The following GREB1 variants were observed in gnomAD, a reference collection of about 807,000 sequenced individuals.
GREB1 encodes the protein growth regulating estrogen receptor binding 1.
In GREB1, 106 loss-of-function variants were observed where a neutral mutation model predicts 200.7. That is an observed-to-expected ratio of 0.53 (90% CI 0.45 to 0.62). GREB1 has a LOEUF of 0.62. Among genes scored for constraint, GREB1 ranks in the 20% least tolerant of loss-of-function variants. The pLI is 0.00. For missense variants in GREB1, 2,243 were observed against 2,556.8 expected, an observed-to-expected ratio of 0.88 and a Z score of 2.65; for synonymous variants, 1,132 against 1,092.4, an observed-to-expected ratio of 1.04 and a Z score of -0.72.
At chr2:11,595,837 G>A (rs1681158404) in intron 12 of GREB1, among the ~76,000 whole-genome samples, 5 of 151,996 alleles carry the variant, frequency 3.3e-5, no homozygotes, top group South Asian at 2.1e-4. Flanking sequence ...CAGACCCTTC[G>A]TTTTCCAGAT....
At chr2:11,586,505 G>T (rs1274170405) in intron 9 of GREB1, among the ~76,000 whole-genome samples, 1 of 152,206 alleles carries the variant, frequency 6.6e-6, no homozygotes, top group Admixed American at 6.5e-5. Context: ...TGGGGATGTT[G>T]CAATGGGAAA....
chr2:11,486,487 C>G (rs1672658605), intron 1 of GREB1, among the ~76,000 whole-genome samples: 1 of 151,678 alleles, frequency 6.6e-6, no homozygotes, highest in East Asian at 1.9e-4. Flanking sequence ...ACTAAAAAGG[C>G]AGGGGAAGGC....
At chr2:11,599,771 C>G (rs937792151) in intron 15 of GREB1, among the ~76,000 whole-genome samples, 1 of 152,172 alleles carries the variant, frequency 6.6e-6, no homozygotes, top group East Asian at 1.9e-4. Flanking sequence ...CCGCCCGCCT[C>G]GGCCTCCCAA....
intron 1 of GREB1, among the ~76,000 whole-genome samples, chr2:11,543,043 G>C (rs1674916533): frequency 6.6e-6 from 1 of 152,116 alleles, no homozygotes; most frequent in Admixed American, 6.5e-5. Flanking sequence ...CTCGTCTACT[G>C]TCTCTTTTTA....
At position 11,640,378 on chromosome 2, in the gene GREB1, G is replaced by T. The variant is rs373459796; in HGVS notation, c.5774G>T (p.Arg1925Leu). The change falls in exon 33 of 33, where the codon CGG becomes CTG. Residue 1925 changes from arginine to leucine, a missense_variant. Transcript: ENST00000381486. This position sits in a 1 kb window ranked among gnomAD's most constrained non-coding sequence, Gnocchi z 4.6. ...GAGCTCGAGGACGAGTGGCAGTTCCGGCTGCGCGATGAGTTCCAGACCGCC... is the reference window on the plus strand; with the variant it reads ...GAGCTCGAGGACGAGTGGCAGTTCCTGCTGCGCGATGAGTTCCAGACCGCC... ...RLELEDEWQFRLRDEFQTANA... is the reference protein window; with the variant it reads ...RLELEDEWQFLLRDEFQTANA... The T allele has an allele frequency of 1.2e-6, 2 of 1,614,202 alleles. No individual in the cohort carries two copies. Among genetic ancestry groups the T allele is most frequent in the Non-Finnish European group, 1.7e-6 (2 of 1,180,046 alleles).
At chr2:11,513,250 G>A (rs1214962589) in intron 1 of GREB1, among the ~76,000 whole-genome samples, 2 of 152,104 alleles carry the variant, frequency 1.3e-5, no homozygotes, top group African/African-American at 2.4e-5. Context: ...TTAGGGACTC[G>A]CAGCTCATAT....
chr2:11,549,836 T>G (rs950067674), intron 1 of GREB1, among the ~76,000 whole-genome samples: 10 of 152,254 alleles, frequency 6.6e-5, no homozygotes, highest in African/African-American at 2.4e-4. Context: ...TTTCTTTTAG[T>G]GTCTACCTTT....
chr2:11,516,931 CG>C (rs1211746476), intron 1 of GREB1, among the ~76,000 whole-genome samples: 1 of 152,132 alleles, frequency 6.6e-6, no homozygotes, highest in East Asian at 1.9e-4. Flanking sequence ...GGCTGTGAGG[CG>C]GGGAGCATTG....
At chr2:11,497,038 C>T (rs1450488964) in intron 1 of GREB1, among the ~76,000 whole-genome samples, 1 of 152,100 alleles carries the variant, frequency 6.6e-6, no homozygotes, top group Non-Finnish European at 1.5e-5. Context: ...CTCAAGTGAT[C>T]CTCCTGCCTT....
Position 11,556,606 on chromosome 2 carries a change from C to T in GREB1, c.-9C>T, listed in dbSNP as rs770216050. 1.9e-6 allele frequency: 3 copies of T among 1,605,214 alleles called. No homozygotes were observed. The highest frequency in any genetic ancestry group is 2.6e-6 in the Non-Finnish European group (3 of 1,174,446). On this transcript the variant is annotated 5_prime_UTR_variant, in exon 2 of 33. Coordinates refer to ENST00000381486, the MANE Select transcript of GREB1 (RefSeq NM_014668.4). ...GCCATTTTAAACAGAAGACTCCATC[C>T]TCTTGAAGATGGGAAATTCTTACGC...
Position 11,562,450 on chromosome 2 carries a change from T to C in GREB1, c.158-13T>C. 1 of 1,611,180 alleles carries C rather than the reference T, an allele frequency of 6.2e-7. No individual in the cohort carries two copies. The highest frequency in any genetic ancestry group is 8.5e-7 in the Non-Finnish European group (1 of 1,178,688). The stretch of plus-strand genomic sequence containing the variant: ...GCAGCTGCCTTGCTCATCACTCTTC[T>C]TCCCGCATCTAGGTGGTAGCCGAGT... On this transcript the variant is annotated splice_polypyrimidine_tract_variant and intron_variant, in intron 2 of 32. Transcript: ENST00000381486.
chr2:11,499,566 C>G (rs1442056577), intron 1 of GREB1, among the ~76,000 whole-genome samples: 1 of 152,236 alleles, frequency 6.6e-6, no homozygotes, highest in Non-Finnish European at 1.5e-5. Context: ...ACATCAGTCT[C>G]TTTTGTTCTG....
chr2:11,553,911 T>C (rs73191479), intron 1 of GREB1, among the ~76,000 whole-genome samples: 17,452 of 152,084 alleles, frequency 0.11, 1,078 homozygotes, highest in South Asian at 0.24. Flanking sequence ...AGGGGCTCCA[T>C]GTAAAACGAG....
intron 30 of GREB1, among the ~76,000 whole-genome samples, chr2:11,636,981 C>G (rs1263632023): frequency 8.3e-6 from 1 of 120,298 alleles, no homozygotes; most frequent in African/African-American, 3.0e-5. Flanking sequence ...GAGGCAGGGG[C>G]ATGGGCAGAG....
Position 11,505,136 on chromosome 2 carries a change from T to G in GREB1, c.-159+22755T>G, listed in dbSNP as rs145827486. Reference sequence around the variant, plus strand: ...TAGTAGAGACGGGGTTTCACCATGTTGGCCAGGCTGGTCTTGAACTCCTAA... The same window carrying G: ...TAGTAGAGACGGGGTTTCACCATGTGGGCCAGGCTGGTCTTGAACTCCTAA... On this transcript the variant is annotated intron_variant, in intron 1 of 2. Coordinates refer to the GREB1 transcript ENST00000628795. Among the ~76,000 whole-genome samples, 1,298 of 152,228 alleles carry G rather than the reference T, an allele frequency of 8.5e-3. 28 individuals are homozygous for G. Among genetic ancestry groups the G allele is most frequent in the African/African-American group, 0.03 (1,250 of 41,542 alleles).
Position 11,548,189 on chromosome 2 carries a change from AC to A in GREB1, c.-161-8262del, listed in dbSNP as rs1675469571. 6.6e-6 allele frequency among the ~76,000 whole-genome samples: 1 copy of A among 151,432 alleles called. No individual in the cohort carries two copies. On this transcript the variant is annotated intron_variant, in intron 1 of 32. Transcript: ENST00000381486. The surrounding 1 kb of genome is among the most constrained non-coding windows in gnomAD (Gnocchi z 5.1). ...AGACCCTGTCTCCAAAAAAAAAAAAACCCACCACACATTCTCACATGCACAC... is the reference window on the plus strand; with the variant it reads ...AGACCCTGTCTCCAAAAAAAAAAAAACCACCACACATTCTCACATGCACAC...
intron 3 of GREB1, among the ~76,000 whole-genome samples, chr2:11,565,406 T>C (rs1677524119): frequency 6.6e-6 from 1 of 152,152 alleles, no homozygotes; most frequent in African/African-American, 2.4e-5. Flanking sequence ...GGGGAAGCAC[T>C]GCACTCAGGA....
chr2:11,496,783 C>A (rs560158168), intron 1 of GREB1, among the ~76,000 whole-genome samples: 1 of 152,296 alleles, frequency 6.6e-6, no homozygotes, highest in African/African-American at 2.4e-5. Context: ...CTATCATACA[C>A]TATGGCAACA....
rs576271004 is a variant in GREB1, at chr2:11,562,152, G to T, written c.158-311G>T. ...ATGGAAGAGAAATGAACCTGAATTT[G>T]GAGTCATGAGGCCCAGGTCTGTGTG... On this transcript the variant is annotated intron_variant, in intron 2 of 32. Coordinates refer to ENST00000381486, the MANE Select transcript of GREB1 (RefSeq NM_014668.4). 1.5e-4 allele frequency among the ~76,000 whole-genome samples: 23 copies of T among 152,336 alleles called. 1 individual carries two copies. In the East Asian group the frequency reaches 4.2e-3, roughly 28 times the overall value.
Sources: allele counts gnomAD v4.1 joint callset (sites outside exome capture counted in the v4.1 genomes callset), GRCh38; gene constraint gnomAD v4.1.1; non-coding constraint Gnocchi (gnomAD v3.1); transcripts MANE v1.5; gene names NCBI Gene and HGNC (gene_info 2026-07-23, HGNC 2026-07-21).